Variants in KANK4 observed in about 807,000 individuals in gnomAD.
The protein encoded by KANK4 is KN motif and ankyrin repeat domains 4.
In KANK4, 50 loss-of-function variants were observed where a neutral mutation model predicts 80.8. The ratio of observed to expected loss-of-function variants is 0.62; its 90% CI spans 0.49 to 0.78. The LOEUF (loss-of-function observed/expected upper bound fraction) is 0.78. Among genes scored for constraint, KANK4 ranks in the 30% least tolerant of loss-of-function variants. The pLI is 0.00. For missense variants in KANK4, 1,196 were observed against 1,240.1 expected (o/e 0.96, Z 0.53); for synonymous variants, 465 against 506.9 (o/e 0.92, Z 1.11).
At chr1:62,240,828 C>A (rs1259439138) in intron 9 of KANK4, among the ~76,000 whole-genome samples, 1 of 152,130 alleles carries the variant, frequency 6.6e-6, no homozygotes, top group Non-Finnish European at 1.5e-5. Context: ...AGAAGCTGCA[C>A]CCAGAGGGCT....
intron 1 of KANK4, among the ~76,000 whole-genome samples, chr1:62,312,140 T>C (rs1644502717): frequency 6.6e-6 from 1 of 152,190 alleles, no homozygotes; most frequent in South Asian, 2.1e-4. Context: ...AATAAAATTT[T>C]TTAAATTGTG....
intron 9 of KANK4, among the ~76,000 whole-genome samples, chr1:62,245,663 A>G (rs1160082757): frequency 1.3e-5 from 2 of 152,192 alleles, no homozygotes; most frequent in Non-Finnish European, 2.9e-5. Flanking sequence ...GTTACATAAC[A>G]TCTCCAGGCC....
chr1:62,238,289 G>A lies in KANK4; in HGVS notation c.2976C>T (p.Ser992=), dbSNP rs754950633. 6.2e-7 allele frequency: 1 copy of A among 1,613,260 alleles called. No individual in the cohort carries two copies. The highest frequency in any genetic ancestry group is 8.5e-7 in the Non-Finnish European group (1 of 1,179,434). The part of the protein sequence containing the change: ...LLRAHAEQGR[S]LGL ...TCTTCTGCAGCCCCTACAGCCCCAG[G>A]GACCTGCCCTGCTCCGCGTGGGCTC... The change falls in exon 10 of 10, where the codon TCC becomes TCT. Residue 992 remains serine, a synonymous_variant. Coordinates refer to ENST00000371153, the MANE Select transcript of KANK4 (RefSeq NM_181712.5).
chr1:62,244,261 T>C (rs1671415285), intron 9 of KANK4, among the ~76,000 whole-genome samples: 1 of 151,940 alleles, frequency 6.6e-6, no homozygotes, highest in Non-Finnish European at 1.5e-5. Context: ...CCTGGTATGA[T>C]CACGGCTCAC....
chr1:62,274,562 C>A lies in KANK4; in HGVS notation c.542G>T (p.Ser181Ile). ...HSRASEEPGL[S>I]LGPPAPPALP... ...GGCAGGAGGGGCAGGGGGCCCCAGG[C>A]TCAGGCCTGGCTCCTCAGAAGCCCT... is the stretch of plus-strand genomic sequence containing the variant. Residue 181 changes from serine to isoleucine, a missense_variant, in exon 3 of 10, where the codon AGC becomes ATC. This residue lies in a region of KANK4 where 1,154 missense variants were observed against 1,179.6 expected (regional missense o/e 0.98). Transcript: ENST00000371153. The A allele has an allele frequency of 6.2e-7, 1 of 1,614,052 alleles. No homozygotes were observed. The highest frequency in any genetic ancestry group is 8.5e-7 in the Non-Finnish European group (1 of 1,179,926).
At chr1:62,277,584 A>G (rs1313516268) in intron 2 of KANK4, among the ~76,000 whole-genome samples, 2 of 152,198 alleles carry the variant, frequency 1.3e-5, no homozygotes, top group Non-Finnish European at 2.9e-5. Context: ...TACAATGCAC[A>G]CTTATTGGGA....
chr1:62,268,580 TG>T, intron 4 of KANK4, 75 bp from the exon 5 acceptor site: 1 of 1,242,800 alleles, frequency 8.0e-7, no homozygotes. Context: ...GAGAGCTGGG[TG>T]GGCCTCGGGT....
chr1:62,268,345 A>G lies in KANK4; in HGVS notation c.2173T>C (p.Cys725Arg), dbSNP rs1021808207. Residue 725 changes from cysteine to arginine, a missense_variant, in exon 5 of 10, where the codon TGC becomes CGC. By Grantham distance (180) the Cys-to-Arg change is radical. Around this residue, in one of 3 missense-constraint regions of KANK4, gnomAD observed 1,154 missense variants for 1,179.6 expected, o/e 0.98. Transcript: ENST00000371153. The part of the protein sequence containing the change: ...EAGQGIPEGT[C>R]HAAQESGPGE... Reference sequence around the variant, plus strand: ...GGCCCACTTTCCTGGGCAGCATGGCAGGTGCCCTCAGGGATGCCCTGCCCA... The same window carrying G: ...GGCCCACTTTCCTGGGCAGCATGGCGGGTGCCCTCAGGGATGCCCTGCCCA... 5 of 1,613,882 alleles carry G rather than the reference A, an allele frequency of 3.1e-6. No individual in the cohort carries two copies. Among genetic ancestry groups the G allele is most frequent in the Non-Finnish European group, 4.2e-6 (5 of 1,179,974 alleles).
Position 62,271,591 on chromosome 1 carries a change from T to C in KANK4, c.1901-2A>G, listed in dbSNP as rs1672165190. The C allele has an allele frequency of 1.9e-6, 3 of 1,581,824 alleles. No individual in the cohort carries two copies. Among genetic ancestry groups the C allele is most frequent in the Non-Finnish European group, 2.6e-6 (3 of 1,150,986 alleles). The stretch of plus-strand genomic sequence containing the variant: ...TAAGGCTGGTCGATGGGGAGATCTC[T>C]AGGCAGACACAACATCACAGGTTAG... On this transcript the variant is annotated splice_acceptor_variant, in intron 3 of 9. Transcript: ENST00000371153. LOFTEE classifies it high-confidence loss of function.
chr1:62,316,832 T>C (rs1886836), intron 1 of KANK4, among the ~76,000 whole-genome samples: 84,040 of 151,982 alleles, frequency 0.55, 23,997 homozygotes, highest in South Asian at 0.65. Flanking sequence ...GAGAGCCCTG[T>C]TTTTAAGGTG....
In KANK4 at chr1:62,237,970, G is replaced by A. The variant is rs899130040; in HGVS notation, c.*307C>T. 7.3e-6 allele frequency: 2 copies of A among 274,200 alleles called. No individual in the cohort carries two copies. Among genetic ancestry groups the A allele is most frequent in the African/African-American group, 4.3e-5 (2 of 46,476 alleles). 17.0% of individuals were successfully genotyped at this position (274,200 alleles called of 1,614,324 possible). A position where few individuals can be genotyped will look rare whatever the true frequency, so the allele number is the denominator to read the frequency against. On this transcript the variant is annotated 3_prime_UTR_variant, in exon 10 of 10. Transcript: ENST00000371153. Reference sequence around the variant, plus strand: ...TGCCTGCTTGCTACACAATGTTACAGAGGGTAGAGTCATGAGGAATTCAAG... The same window carrying A: ...TGCCTGCTTGCTACACAATGTTACAAAGGGTAGAGTCATGAGGAATTCAAG...
chr1:62,307,835 C>T (rs1644465500), intron 1 of KANK4, among the ~76,000 whole-genome samples: 1 of 151,404 alleles, frequency 6.6e-6, no homozygotes, highest in South Asian at 2.1e-4. Flanking sequence ...CAGAATTCTT[C>T]TTTTTTAAAA....
intron 1 of KANK4, among the ~76,000 whole-genome samples, chr1:62,307,820 G>A (rs1474116767): frequency 6.6e-6 from 1 of 151,418 alleles, no homozygotes; most frequent in East Asian, 1.9e-4. Context: ...ATTTTTAAAT[G>A]TTGACAGAAT....
chr1:62,246,647 G>T (rs184372652), intron 9 of KANK4, among the ~76,000 whole-genome samples: 1 of 152,250 alleles, frequency 6.6e-6, no homozygotes, highest in Admixed American at 6.5e-5. Context: ...ACCCAGGCTG[G>T]AGTGCAGTGG....
Position 62,274,814 on chromosome 1 carries a change from C to T in KANK4, c.290G>A (p.Arg97Lys), listed in dbSNP as rs761220276. The T allele has an allele frequency of 4.2e-5, 68 of 1,614,014 alleles. 3 individuals carry two copies. In the South Asian group the frequency reaches 6.7e-4, roughly 16 times the overall value. Residue 97 changes from arginine (R) to lysine (K), a missense_variant, in exon 3 of 10, where the codon AGG becomes AAG. Physicochemically the swap from Arg to Lys is conservative, Grantham distance 26. Transcript: ENST00000371153. ...CTCCTGTGTCCCAAGTGATGCCTCCCTTGGCACCACGGGAGACCAGTTTTG... is the reference window on the plus strand; with the variant it reads ...CTCCTGTGTCCCAAGTGATGCCTCCTTTGGCACCACGGGAGACCAGTTTTG... Reference protein sequence around the residue: ...PLQNWSPVVPREASLGTQEQN... With the variant: ...PLQNWSPVVPKEASLGTQEQN...
chr1:62,318,132 A>G (rs985888826), intron 1 of KANK4, among the ~76,000 whole-genome samples: 14 of 152,078 alleles, frequency 9.2e-5, no homozygotes, highest in African/African-American at 3.4e-4. Flanking sequence ...CTTTCTCCCC[A>G]TGCCTCAGCC....
At chr1:62,269,219 G>A (rs1040121689) in intron 4 of KANK4, among the ~76,000 whole-genome samples, 1 of 152,252 alleles carries the variant, frequency 6.6e-6, no homozygotes, top group Non-Finnish European at 1.5e-5. Context: ...TGGCAGACCA[G>A]AGGCCATGGA....
chr1:62,312,974 TC>T (rs397860819), intron 1 of KANK4, among the ~76,000 whole-genome samples: 5 of 64,894 alleles, frequency 7.7e-5, no homozygotes, highest in Non-Finnish European at 1.9e-4. Context: ...ATACAGTGGT[TC>T]CCCCCCAAAC....
rs114336143 is a variant in KANK4 at position 62,300,517 on chromosome 1, C to T, written c.-71+18589G>A. 5.4e-3 allele frequency among the ~76,000 whole-genome samples: 816 copies of T among 152,086 alleles called. 19 individuals are homozygous for T. In the South Asian group the frequency reaches 0.065, roughly 12 times the overall value. On this transcript the variant is annotated intron_variant, in intron 1 of 9. Coordinates refer to ENST00000371153, the MANE Select transcript of KANK4 (RefSeq NM_181712.5). ...ACAGATCTGGTATTTTTGAGCTGGG[C>T]GTTGAAGGATGAGTAAAAGTTAAGC... is the stretch of plus-strand genomic sequence containing the variant.
Sources: gnomAD v4.1 joint callset for allele counts (sites outside exome capture counted in the v4.1 genomes callset) on GRCh38, gnomAD v4.1.1 for gene constraint, gnomAD v4.1.1 regional missense constraint, MANE v1.5 for transcripts, NCBI Gene and HGNC (gene_info 2026-07-23, HGNC 2026-07-21) for gene names.